The following HDAC9 variants were observed in gnomAD, a reference collection of about 807,000 sequenced individuals.
The protein encoded by HDAC9 is histone deacetylase 9, also known as MEF-2 interacting transcription repressor (MITR) protein.
A neutral mutation model predicts 139.4 loss-of-function variants in HDAC9; 41 were observed. The ratio of observed to expected loss-of-function variants is 0.29; its 90% CI spans 0.23 to 0.38. HDAC9 has a LOEUF of 0.38. Ranked by LOEUF, HDAC9 falls within the 10% of genes least tolerant of loss-of-function variation. The pLI is 1.00. For missense variants in HDAC9, 1,147 were observed against 1,297.0 expected, an observed-to-expected ratio of 0.88 and a Z score of 1.78; for synonymous variants, 517 against 476.2, an observed-to-expected ratio of 1.09 and a Z score of -1.12.
chr7:18,465,076 G>A (rs939446607), intron 1 of HDAC9, among the ~76,000 whole-genome samples: 2 of 152,028 alleles, frequency 1.3e-5, no homozygotes, highest in African/African-American at 4.8e-5. Flanking sequence ...AAAAATATTT[G>A]TAGAGCTTTT....
At chr7:18,536,606 C>T (rs1810997176) in intron 2 of HDAC9, among the ~76,000 whole-genome samples, 2 of 152,154 alleles carry the variant, frequency 1.3e-5, no homozygotes, top group African/African-American at 4.8e-5. Flanking sequence ...CTTAATCTAG[C>T]TAATACATTA....
At chr7:18,391,025 G>A (rs914457550) in intron 1 of HDAC9, among the ~76,000 whole-genome samples, 5 of 152,122 alleles carry the variant, frequency 3.3e-5, no homozygotes, top group Non-Finnish European at 7.4e-5. Context: ...GGAAGTGGAA[G>A]TTGCAATGAG....
intron 12 of HDAC9, among the ~76,000 whole-genome samples, chr7:18,694,819 A>G (rs999109770): frequency 2.6e-5 from 4 of 152,198 alleles, no homozygotes; most frequent in Non-Finnish European, 4.4e-5. Context: ...TGCAAATGGA[A>G]CTTTTTCTTC....
At chr7:18,585,145 G>A in intron 2 of HDAC9, 136 bp from the exon 3 acceptor site, 2 of 921,294 alleles carry the variant, frequency 2.2e-6, no homozygotes, top group Non-Finnish European at 3.4e-6. Flanking sequence ...TCATTGTAAA[G>A]AAATGGCTAG....
chr7:18,470,773 G>T (rs1283228343), intron 1 of HDAC9, among the ~76,000 whole-genome samples: 1 of 152,120 alleles, frequency 6.6e-6, no homozygotes, highest in Non-Finnish European at 1.5e-5. Flanking sequence ...TGACTTGGAG[G>T]ATTCATTAAA....
chr7:18,279,192 C>T (rs1796937120), intron 2 of HDAC9, among the ~76,000 whole-genome samples: 1 of 152,052 alleles, frequency 6.6e-6, no homozygotes, highest in Non-Finnish European at 1.5e-5. Flanking sequence ...GTACTTGACA[C>T]AACACAAGGA....
chr7:18,964,362 ATTTTT>A (rs914401385), intron 24 of HDAC9, among the ~76,000 whole-genome samples: 1 of 151,630 alleles, frequency 6.6e-6, no homozygotes, highest in Non-Finnish European at 1.5e-5. Flanking sequence ...TTAAGATCAG[ATTTTT>A]TTTTAATTTC....
chr7:18,412,058 C>G (rs1219294354), intron 1 of HDAC9, among the ~76,000 whole-genome samples: 1 of 151,440 alleles, frequency 6.6e-6, no homozygotes, highest in African/African-American at 2.4e-5. Flanking sequence ...GAACTCCTGA[C>G]CTCAAATGAT....
intron 2 of HDAC9, among the ~76,000 whole-genome samples, chr7:18,250,627 A>G (rs1794858711): frequency 6.6e-6 from 1 of 152,192 alleles, no homozygotes; most frequent in Non-Finnish European, 1.5e-5. Context: ...TTTTTTAGCA[A>G]ATGAGTTACC....
chr7:18,853,975 G>A (rs1055088249), intron 21 of HDAC9, among the ~76,000 whole-genome samples: 1 of 152,120 alleles, frequency 6.6e-6, no homozygotes, highest in African/African-American at 2.4e-5. Flanking sequence ...AGTAAAAGTG[G>A]AATTAGCCAA....
intron 1 of HDAC9, among the ~76,000 whole-genome samples, chr7:18,112,648 G>A (rs1584113376): frequency 6.6e-6 from 1 of 152,090 alleles, no homozygotes; most frequent in Non-Finnish European, 1.5e-5. Flanking sequence ...TTCAGTAAAG[G>A]ATATTATATG....
intron 2 of HDAC9, among the ~76,000 whole-genome samples, chr7:18,540,955 T>C (rs368907833): frequency 6.2e-4 from 94 of 152,228 alleles, no homozygotes; most frequent in Middle Eastern, 3.4e-3. Flanking sequence ...ATAAAGAAAC[T>C]GACACCAAGC....
At chr7:18,480,360 C>A (rs1226396323) in intron 1 of HDAC9, among the ~76,000 whole-genome samples, 1 of 152,190 alleles carries the variant, frequency 6.6e-6, no homozygotes, top group Non-Finnish European at 1.5e-5. Context: ...CTGCCTCTAA[C>A]ACATAACAAT....
chr7:18,940,956 A>T (rs1271116389), intron 23 of HDAC9, among the ~76,000 whole-genome samples: 1 of 152,090 alleles, frequency 6.6e-6, no homozygotes, highest in Non-Finnish European at 1.5e-5. Context: ...TTAGAAGATC[A>T]CCTGTCAATA....
chr7:18,271,268 C>G (rs1240090942), intron 2 of HDAC9, among the ~76,000 whole-genome samples: 1 of 152,098 alleles, frequency 6.6e-6, no homozygotes, highest in Non-Finnish European at 1.5e-5. Flanking sequence ...GGCTATATAC[C>G]TGTATGTATA....
intron 2 of HDAC9, among the ~76,000 whole-genome samples, chr7:18,245,963 A>T (rs971331934): frequency 1.3e-5 from 2 of 151,914 alleles, no homozygotes; most frequent in Non-Finnish European, 1.5e-5. Context: ...ACTGAAGAGC[A>T]TTAATTCACA....
At chr7:18,903,443 A>G (rs926696623) in intron 22 of HDAC9, among the ~76,000 whole-genome samples, 2 of 152,156 alleles carry the variant, frequency 1.3e-5, no homozygotes, top group African/African-American at 4.8e-5. Flanking sequence ...TCTTTATTAC[A>G]TATCCTTCCT....
intron 2 of HDAC9, among the ~76,000 whole-genome samples, chr7:18,536,902 A>T (rs71524247): frequency 6.6e-6 from 1 of 152,216 alleles, no homozygotes; most frequent in Non-Finnish European, 1.5e-5. Context: ...AAAAGTTAAC[A>T]CATTTATGAA....
At chr7:18,421,738 A>C (rs889424659) in intron 1 of HDAC9, among the ~76,000 whole-genome samples, 5 of 152,208 alleles carry the variant, frequency 3.3e-5, no homozygotes, top group African/African-American at 9.6e-5. Context: ...TAGCTCCCCC[A>C]AAACAGTCTC....
Sources: gnomAD v4.1 joint callset for allele counts (sites outside exome capture counted in the v4.1 genomes callset) on GRCh38, gnomAD v4.1.1 for gene constraint, MANE v1.5 for transcripts, NCBI Gene and HGNC (gene_info 2026-07-23, HGNC 2026-07-21) for gene names.